NRXN1: variants seen among roughly 807,000 people sequenced by gnomAD.
NRXN1 encodes neurexin-1.
Under a neutral mutation model 150.9 loss-of-function variants are expected in NRXN1, and 39 were observed. That is an observed-to-expected ratio of 0.26 (90% CI 0.20 to 0.34). The LOEUF (loss-of-function observed/expected upper bound fraction) is 0.34. Among genes scored for constraint, NRXN1 ranks in the 10% least tolerant of loss-of-function variants. The pLI is 1.00. For missense variants in NRXN1, 1,815 were observed against 1,949.9 expected (o/e 0.93, Z 1.30); for synonymous variants, 924 against 757.0 (o/e 1.22, Z -3.62).
At chr2:50,251,822 A>G (rs2067118573) in intron 17 of NRXN1, among the ~76,000 whole-genome samples, 1 of 152,100 alleles carries the variant, frequency 6.6e-6, no homozygotes, top group African/African-American at 2.4e-5. Context: ...TGGCAGCATA[A>G]ATGTTTTCTT....
chr2:50,028,886 C>A (rs1182060608), intron 21 of NRXN1, among the ~76,000 whole-genome samples: 1 of 152,046 alleles, frequency 6.6e-6, no homozygotes, highest in Non-Finnish European at 1.5e-5. Flanking sequence ...ATTAGGTGAA[C>A]AATAAAACTA....
At chr2:49,964,288 T>A (rs1231189336) in intron 21 of NRXN1, among the ~76,000 whole-genome samples, 1 of 152,054 alleles carries the variant, frequency 6.6e-6, no homozygotes, top group Non-Finnish European at 1.5e-5. Flanking sequence ...CACTACATCT[T>A]CCATATACTA....
chr2:50,438,767 AG>A (rs1293928372), intron 17 of NRXN1, among the ~76,000 whole-genome samples: 1 of 152,230 alleles, frequency 6.6e-6, no homozygotes, highest in Non-Finnish European at 1.5e-5. Context: ...GCTTCTCCCC[AG>A]GGGCATATTT....
At chr2:50,140,889 T>C (rs1339606343) in intron 18 of NRXN1, among the ~76,000 whole-genome samples, 1 of 152,008 alleles carries the variant, frequency 6.6e-6, no homozygotes, top group African/African-American at 2.4e-5. Flanking sequence ...TGCATATATA[T>C]GTGTTCGTGT....
At chr2:50,878,952 G>C (rs1679024693) in intron 5 of NRXN1, among the ~76,000 whole-genome samples, 1 of 151,756 alleles carries the variant, frequency 6.6e-6, no homozygotes, top group South Asian at 2.1e-4. Context: ...TTGTTTTTTA[G>C]AGCACCATGA....
chr2:50,858,999 T>C (rs549376306), intron 5 of NRXN1, among the ~76,000 whole-genome samples: 29 of 152,224 alleles, frequency 1.9e-4, no homozygotes, highest in Admixed American at 6.5e-4. Context: ...GGCCTGTAAA[T>C]CTCATCTCCA....
intron 17 of NRXN1, among the ~76,000 whole-genome samples, chr2:50,396,640 C>A (rs2103878283): frequency 6.6e-6 from 1 of 152,170 alleles, no homozygotes; most frequent in Admixed American, 6.5e-5. Context: ...GATTCCTAAC[C>A]TACTGTGCGA....
intron 17 of NRXN1, among the ~76,000 whole-genome samples, chr2:50,454,035 G>C (rs2087264423): frequency 6.6e-6 from 1 of 152,108 alleles, no homozygotes; most frequent in African/African-American, 2.4e-5. Flanking sequence ...AAATTAATAT[G>C]ATAATATACA....
chr2:50,033,033 CAT>C (rs972441847), intron 21 of NRXN1, among the ~76,000 whole-genome samples: 7 of 151,346 alleles, frequency 4.6e-5, no homozygotes, highest in East Asian at 3.9e-4. Context: ...TGTATACACA[CAT>C]ATATATATAA....
At chr2:50,164,715 A>G (rs988813554) in intron 18 of NRXN1, among the ~76,000 whole-genome samples, 1 of 152,262 alleles carries the variant, frequency 6.6e-6, no homozygotes, top group East Asian at 1.9e-4. Context: ...TCCTTCCCTA[A>G]CACACTTTCT....
At position 51,027,909 on chromosome 2, in the gene NRXN1, T is replaced by A; in HGVS notation, c.365A>T (p.Gln122Leu). 6.2e-7 allele frequency: 1 copy of A among 1,608,810 alleles called. No homozygotes were observed. The highest frequency in any genetic ancestry group is 1.1e-5 in the South Asian group (1 of 91,082). The change falls in exon 2 of 23, where the codon CAG becomes CTG. Residue 122 changes from glutamine (Q) to leucine (L), a missense_variant. Coordinates refer to ENST00000401669, the MANE Select transcript of NRXN1 (RefSeq NM_001330078.2). ...GAWHSVRIRR[Q>L]FRNTTLFIDQ... ...GATGAAGAGCGTGGTGTTGCGGAAC[T>A]GGCGGCGGATGCGCACGCTGTGCCA...
At chr2:50,630,854 C>T (rs1335166101) in intron 5 of NRXN1, among the ~76,000 whole-genome samples, 1 of 151,560 alleles carries the variant, frequency 6.6e-6, no homozygotes, top group Admixed American at 6.6e-5. Context: ...AAATATTGTG[C>T]CAAAAACATC....
chr2:49,919,984 A>T lies in NRXN1; in HGVS notation c.*1960T>A, dbSNP rs1667915054. On this transcript the variant is annotated 3_prime_UTR_variant, in exon 23 of 23. Coordinates refer to ENST00000401669, the MANE Select transcript of NRXN1 (RefSeq NM_001330078.2). ...GAAAGATATTCTTCTCTTCTACAAA[A>T]TTTTTTATCGTTCTTTTAGAAGGTA... 2 of 152,104 alleles carry T rather than the reference A, an allele frequency of 1.3e-5. No homozygotes were observed. The highest frequency in any genetic ancestry group is 1.3e-4 in the Admixed American group (2 of 15,260). The allele number at this position is 152,104 out of a possible 1,614,324, so 9.4% of individuals were successfully genotyped here.
intron 18 of NRXN1, among the ~76,000 whole-genome samples, chr2:50,236,584 A>C (rs2065455601): frequency 6.6e-6 from 1 of 151,996 alleles, no homozygotes; most frequent in African/African-American, 2.4e-5. Flanking sequence ...CTCCAAAAAA[A>C]AAAAAAAAAA....
At chr2:50,555,953 A>G (rs1237750831) in intron 8 of NRXN1, among the ~76,000 whole-genome samples, 1 of 152,186 alleles carries the variant, frequency 6.6e-6, no homozygotes, top group Non-Finnish European at 1.5e-5. Flanking sequence ...ACACAAAAAT[A>G]TACACTGTGC....
At chr2:50,705,824 C>G (rs1694352490) in intron 5 of NRXN1, among the ~76,000 whole-genome samples, 2 of 152,224 alleles carry the variant, frequency 1.3e-5, no homozygotes, top group East Asian at 3.9e-4. Context: ...TGTTGATTGG[C>G]CTATGGCCCA....
At chr2:50,420,243 C>T (rs1018305965) in intron 17 of NRXN1, among the ~76,000 whole-genome samples, 11 of 151,908 alleles carry the variant, frequency 7.2e-5, no homozygotes, top group African/African-American at 2.7e-4. Flanking sequence ...AGACAGAAAG[C>T]GAGTCCTCTA....
At chr2:50,576,714 G>C (rs1013362616) in intron 8 of NRXN1, among the ~76,000 whole-genome samples, 1 of 151,892 alleles carries the variant, frequency 6.6e-6, no homozygotes, top group Non-Finnish European at 1.5e-5. Flanking sequence ...GAATTTGTTC[G>C]TATCCAGCTG....
chr2:50,658,246 A>G (rs1439126206), intron 5 of NRXN1, among the ~76,000 whole-genome samples: 1 of 151,870 alleles, frequency 6.6e-6, no homozygotes, highest in Non-Finnish European at 1.5e-5. Context: ...TACACCCTCA[A>G]AACAACGCTA....
Sources: allele counts gnomAD v4.1 joint callset (sites outside exome capture counted in the v4.1 genomes callset), GRCh38; gene constraint gnomAD v4.1.1; transcripts MANE v1.5; gene names NCBI Gene and HGNC (gene_info 2026-07-23, HGNC 2026-07-21).